The following ECT2L variants were observed in gnomAD, a reference collection of about 807,000 sequenced individuals.
ECT2L encodes the protein epithelial cell-transforming sequence 2 oncogene-like.
A neutral mutation model predicts 122.8 loss-of-function variants in ECT2L; 126 were observed. The observed-to-expected ratio is 1.03, with a 90% CI of 0.89 to 1.19. The LOEUF is 1.19. Among genes scored for constraint, ECT2L ranks in the 50% most tolerant of loss-of-function variants. The pLI, the probability that ECT2L is intolerant of heterozygous loss-of-function variation, is 0.00. For missense variants in ECT2L, 1,012 were observed against 1,064.1 expected (o/e 0.95, Z 0.68); for synonymous variants, 385 against 381.8 (o/e 1.01, Z -0.10).
At chr6:138,888,323 T>C (rs996195860) in intron 19 of ECT2L, among the ~76,000 whole-genome samples, 1 of 149,262 alleles carries the variant, frequency 6.7e-6, no homozygotes, top group Non-Finnish European at 1.5e-5. Context: ...TTTTCTTTTT[T>C]TTTTTTTTTT....
chr6:138,814,532 C>T lies in ECT2L; in HGVS notation c.108C>T (p.Asp36=). 6.2e-7 allele frequency: 1 copy of T among 1,612,432 alleles called. No individual in the cohort carries two copies. Among genetic ancestry groups the T allele is most frequent in the Non-Finnish European group, 8.5e-7 (1 of 1,178,990 alleles). The change falls in exon 4 of 22, where the codon GAC becomes GAT. Residue 36 remains aspartate, a synonymous_variant. Coordinates refer to ENST00000541398, the MANE Select transcript of ECT2L (RefSeq NM_001077706.3). ...ERVALISHWF[D]LWTNKQRQEF... is the part of the protein sequence containing the mutation. ...TGGCTCTTATAAGTCATTGGTTTGA[C>T]CTCTGGACTAACAAGCAACGTCAAG...
At chr6:138,875,731 A>T (rs533445590) in intron 13 of ECT2L, among the ~76,000 whole-genome samples, 1 of 152,232 alleles carries the variant, frequency 6.6e-6, no homozygotes, top group Non-Finnish European at 1.5e-5. Context: ...TGGTGAAAAA[A>T]GGAGTGAGTT....
chr6:138,843,305 C>G (rs1408648214), intron 6 of ECT2L, 74 bp downstream of exon 6: 10 of 1,431,910 alleles, frequency 7.0e-6, no homozygotes, highest in Non-Finnish European at 9.3e-6. Flanking sequence ...CAAATTCCCA[C>G]AGAGGACAGC....
chr6:138,843,354 T>C, intron 6 of ECT2L, 123 bp downstream of exon 6: 1 of 999,840 alleles, frequency 1.0e-6, no homozygotes, highest in East Asian at 2.6e-5. Context: ...GTCTTAAGTA[T>C]TTTCCAGATG....
intron 8 of ECT2L, among the ~76,000 whole-genome samples, chr6:138,847,758 C>A (rs1777287441): frequency 6.6e-6 from 1 of 151,948 alleles, no homozygotes; most frequent in Admixed American, 6.6e-5. Context: ...ACAATAGAAC[C>A]TAAAATCCTA....
At chr6:138,835,891 T>C (rs1221276437) in intron 4 of ECT2L, among the ~76,000 whole-genome samples, 6 of 152,248 alleles carry the variant, frequency 3.9e-5, no homozygotes, top group Admixed American at 2.0e-4. Flanking sequence ...TCTCTAGATC[T>C]GCCTTCAATG....
In ECT2L at chr6:138,849,406, A is replaced by G; in HGVS notation, c.1041A>G (p.Gly347=). ...KAQSIGIFSD[G]DSREINLLQG... ...AGAGCATCGGAATATTTAGCGATGG[A>G]GACAGCAGAGAAATCAATTTACTCC... The change falls in exon 9 of 22, where the codon GGA becomes GGG. Residue 347 remains glycine (G), a synonymous_variant. Transcript: ENST00000541398. 1 of 1,613,656 alleles carries G rather than the reference A, an allele frequency of 6.2e-7. No homozygotes were observed. The highest frequency in any genetic ancestry group is 1.1e-5 in the South Asian group (1 of 90,984).
At position 138,843,133 on chromosome 6, in the gene ECT2L, C is replaced by G. The variant is rs568016767; in HGVS notation, c.497C>G (p.Thr166Arg). The change falls in exon 6 of 22, where the codon ACG (threonine) becomes AGG (arginine). Residue 166 changes from threonine (T) to arginine (R), a missense_variant. Physicochemically the swap from Thr to Arg is moderately conservative, Grantham distance 71 (BLOSUM62 -1). Transcript: ENST00000541398. ...AGGGAGGCTGCTGCTACTTATGGGA[C>G]GCTGAATGAACCCAAAACAGAAGAT... The part of the protein sequence containing the change: ...TPREAAATYG[T>R]LNEPKTEDEE... 2 of 1,613,972 alleles carry G rather than the reference C, an allele frequency of 1.2e-6. No individual in the cohort carries two copies. Among genetic ancestry groups the G allele is most frequent in the Non-Finnish European group, 1.7e-6 (2 of 1,179,946 alleles).
chr6:138,896,260 T>C (rs185173481), intron 20 of ECT2L, among the ~76,000 whole-genome samples: 3 of 152,102 alleles, frequency 2.0e-5, no homozygotes, highest in Admixed American at 6.5e-5. Flanking sequence ...GCATGCTTTT[T>C]TTCTTCCAAT....
intron 20 of ECT2L, among the ~76,000 whole-genome samples, chr6:138,889,366 G>A (rs11970246): frequency 0.088 from 13,350 of 150,876 alleles, 1,232 homozygotes; most frequent in African/African-American, 0.23. Flanking sequence ...ACTCACTGCC[G>A]CCCAGGCTGG....
chr6:138,868,352 C>A, intron 13 of ECT2L, 146 bp downstream of exon 13: 2 of 612,730 alleles, frequency 3.3e-6, no homozygotes, highest in South Asian at 5.0e-5. Flanking sequence ...AAAATAGCCA[C>A]TAAGAGATTC....
intron 4 of ECT2L, among the ~76,000 whole-genome samples, chr6:138,834,357 A>G (rs1205976517): frequency 1.3e-5 from 2 of 152,090 alleles, no homozygotes; most frequent in Non-Finnish European, 2.9e-5. Context: ...AATGTGACGG[A>G]AGCATTTTTC....
At chr6:138,835,279 T>C (rs1268455077) in intron 4 of ECT2L, among the ~76,000 whole-genome samples, 1 of 152,248 alleles carries the variant, frequency 6.6e-6, no homozygotes, top group East Asian at 1.9e-4. Context: ...CCAGGCGCAG[T>C]GGCTCAAGCC....
rs150954755 is a variant in ECT2L, at chr6:138,866,355, G to T, written c.1474+1177G>T. 4.1e-3 allele frequency among the ~76,000 whole-genome samples: 620 copies of T among 152,066 alleles called. 6 individuals are homozygous for T. Among genetic ancestry groups the T allele is most frequent in the African/African-American group, 0.014 (600 of 41,510 alleles). On this transcript the variant is annotated intron_variant, in intron 12 of 21. Transcript: ENST00000541398. ...TATTTTTTAGATGGAGTCTTACTCT[G>T]TCACCCAGGCTGGGCCTCCCAAGTA...
chr6:138,817,373 G>A (rs1299459251), intron 4 of ECT2L, among the ~76,000 whole-genome samples: 2 of 152,070 alleles, frequency 1.3e-5, no homozygotes, highest in Admixed American at 1.3e-4. Context: ...ATTTATTCCT[G>A]TAGTCTTGCT....
rs766546520 is a variant in ECT2L, at chr6:138,902,483, C to T, written c.2588-17C>T. 1.9e-6 allele frequency: 3 copies of T among 1,605,986 alleles called. No individual in the cohort carries two copies. The highest frequency in any genetic ancestry group is 1.7e-5 in the Admixed American group (1 of 58,872). ...TATCTGCAAAGATTAATTAGTATAC[C>T]TCAAATGCTTTTACAGATGTCAAGA... On this transcript the variant is annotated splice_polypyrimidine_tract_variant and intron_variant, in intron 21 of 21. Coordinates refer to ENST00000541398, the MANE Select transcript of ECT2L (RefSeq NM_001077706.3).
At chr6:138,851,060 G>A (rs1429328201) in intron 9 of ECT2L, among the ~76,000 whole-genome samples, 2 of 147,836 alleles carry the variant, frequency 1.4e-5, no homozygotes, top group African/African-American at 5.0e-5. Flanking sequence ...TTGAATTCTC[G>A]ATGCTGTTTT....
At position 138,876,709 on chromosome 6, in the gene ECT2L, G is replaced by C; in HGVS notation, c.1665+151G>C. ...CTCAAAAATTATTAGAGAGAATTCA[G>C]CTGGCAGACTTTTTTTTCAAATAAG... is the stretch of plus-strand genomic sequence containing the variant. On this transcript the variant is annotated intron_variant, in intron 14 of 21. Coordinates refer to ENST00000541398, the MANE Select transcript of ECT2L (RefSeq NM_001077706.3). 3 of 580,104 alleles carry C rather than the reference G, an allele frequency of 5.2e-6. No homozygotes were observed. The South Asian group carries it at 7.1e-5, about 14-fold the overall frequency. 35.9% of individuals were successfully genotyped at this position (580,104 alleles called of 1,614,324 possible). A position where few individuals can be genotyped will look rare whatever the true frequency, so the allele number is the denominator to read the frequency against.
In ECT2L at chr6:138,882,709, C is replaced by A. The variant is rs1236909351; in HGVS notation, c.1881-15C>A. ...CAAGTGAATATTTCATGCTTATGCT[C>A]TTCTCATACCACAGGCAGTTTCTAG... On this transcript the variant is annotated splice_polypyrimidine_tract_variant and intron_variant, in intron 15 of 21. Transcript: ENST00000541398. The A allele has an allele frequency of 1.2e-6, 2 of 1,612,672 alleles. No individual in the cohort carries two copies. Among genetic ancestry groups the A allele is most frequent in the East Asian group, 4.5e-5 (2 of 44,876 alleles).
Sources: gnomAD v4.1 joint callset for allele counts (sites outside exome capture counted in the v4.1 genomes callset) on GRCh38, gnomAD v4.1.1 for gene constraint, MANE v1.5 for transcripts, NCBI Gene and HGNC (gene_info 2026-07-23, HGNC 2026-07-21) for gene names.